Variants in HDAC8 observed in about 807,000 individuals in gnomAD.
HDAC8 encodes the protein histone deacetylase 8.
A neutral mutation model predicts 32.2 loss-of-function variants in HDAC8; 1 was observed. That is an observed-to-expected ratio of 0.03 (90% CI 0.01 to 0.15). HDAC8 has a LOEUF of 0.15. HDAC8 is among the 10% of genes least tolerant of loss of function. HDAC8 has a pLI of 1.00. For synonymous variants in HDAC8, 108 were observed against 113.9 expected (o/e 0.95, Z 0.33); for missense variants, 117 against 300.0 (o/e 0.39, Z 4.51).
At chrX:72,387,237 T>C (rs192810143) in intron 9 of HDAC8, among the ~76,000 whole-genome samples, 1 of 111,674 alleles carries the variant, frequency 9.0e-6, no homozygotes, top group Non-Finnish European at 1.9e-5. Context: ...CTGGGAGCCA[T>C]GTAGGGTAGA....
At position 72,514,870 on chromosome X, in the gene HDAC8, A is replaced by G. The variant is rs782298912; in HGVS notation, c.438-19602T>C. Among the ~76,000 whole-genome samples the G allele has an allele frequency of 2.7e-5, 3 of 111,999 alleles. No homozygotes were observed. The East Asian group carries it at 8.4e-4, about 31-fold the overall frequency. ...AGAAGAGGCTAGGAGAGGTCAATCC[A>G]AATAACTTGAGGGCTTGAGAAATAA... On this transcript the variant is annotated intron_variant, in intron 4 of 10. Coordinates refer to ENST00000373573, the MANE Select transcript of HDAC8 (RefSeq NM_018486.3).
intron 4 of HDAC8, among the ~76,000 whole-genome samples, chrX:72,532,638 T>TAATGC (rs1272665845): frequency 9.0e-6 from 1 of 110,506 alleles, no homozygotes; most frequent in Non-Finnish European, 1.9e-5. Flanking sequence ...TGAACATCTT[T>TAATGC]AATGCTCTTA....
chrX:72,566,862 G>A (rs1461472728), intron 4 of HDAC8, among the ~76,000 whole-genome samples: 1 of 112,000 alleles, frequency 8.9e-6, no homozygotes, highest in Non-Finnish European at 1.9e-5. Context: ...ACTCTAGAAG[G>A]TGGCCAGGCG....
At chrX:72,559,933 A>G (rs868955286) in intron 4 of HDAC8, among the ~76,000 whole-genome samples, 2 of 103,027 alleles carry the variant, frequency 1.9e-5, no homozygotes, top group Admixed American at 1.0e-4. Context: ...CGCCCCGTCC[A>G]GGAGGGAGGT....
chrX:72,504,609 T>A (rs2049330086), intron 4 of HDAC8, among the ~76,000 whole-genome samples: 1 of 111,539 alleles, frequency 9.0e-6, no homozygotes, highest in Non-Finnish European at 1.9e-5. Flanking sequence ...TGGGTAACAT[T>A]TGTGTTGTTT....
chrX:72,500,763 G>A (rs2049185912), intron 4 of HDAC8, among the ~76,000 whole-genome samples: 1 of 111,907 alleles, frequency 8.9e-6, no homozygotes, highest in Non-Finnish European at 1.9e-5. Context: ...AGTATTGGAA[G>A]TCCCGGTCAG....
intron 9 of HDAC8, among the ~76,000 whole-genome samples, chrX:72,424,287 G>A (rs1555974653): frequency 1.8e-5 from 2 of 111,482 alleles, no homozygotes; most frequent in African/African-American, 6.5e-5. Context: ...TGATGATAAT[G>A]TCTTTGGATC....
chrX:72,492,918 T>C (rs1250037156), intron 5 of HDAC8, among the ~76,000 whole-genome samples: 2 of 112,003 alleles, frequency 1.8e-5, no homozygotes, highest in African/African-American at 6.5e-5. Context: ...AAGGAACTTA[T>C]AGTTTCTATG....
At chrX:72,378,983 G>A (rs915566691) in intron 9 of HDAC8, among the ~76,000 whole-genome samples, 29 of 109,176 alleles carry the variant, frequency 2.7e-4, no homozygotes, top group Admixed American at 2.2e-3. Flanking sequence ...TGAGCCTCCC[G>A]AGTAGCTGGG....
intron 9 of HDAC8, among the ~76,000 whole-genome samples, chrX:72,370,554 T>C (rs1173208964): frequency 9.0e-6 from 1 of 111,645 alleles, no homozygotes; most frequent in Non-Finnish European, 1.9e-5. Context: ...AGAGATGGGG[T>C]TTCACCATGT....
chrX:72,524,042 T>C (rs781894570), intron 4 of HDAC8, among the ~76,000 whole-genome samples: 1 of 112,367 alleles, frequency 8.9e-6, no homozygotes, highest in East Asian at 2.8e-4. Context: ...AACACAGCTA[T>C]ACCCATTCAT....
rs2147898910 is a variant in HDAC8 at position 72,411,254 on chromosome X, GA to G, written c.1005+50749del. On this transcript the variant is annotated intron_variant, in intron 9 of 10. Coordinates refer to ENST00000373573, the MANE Select transcript of HDAC8 (RefSeq NM_018486.3). Reference sequence around the variant, plus strand: ...TTGGCCAGTCTGGTCTTGAACTCTTGACCTCGTGATCCTCCCACCTTGGCCT... The same window carrying G: ...TTGGCCAGTCTGGTCTTGAACTCTTGCCTCGTGATCCTCCCACCTTGGCCT... Among the ~76,000 whole-genome samples the G allele has an allele frequency of 3.6e-5, 4 of 110,272 alleles. No homozygotes were observed. In the South Asian group the frequency reaches 1.6e-3, roughly 43 times the overall value.
intron 9 of HDAC8, among the ~76,000 whole-genome samples, chrX:72,459,492 G>A: frequency 9.0e-6 from 1 of 110,578 alleles, no homozygotes; most frequent in East Asian, 2.8e-4. Context: ...GGTCAGCCCG[G>A]CTGCAACTGA....
intron 9 of HDAC8, among the ~76,000 whole-genome samples, chrX:72,416,717 A>T (rs1479948714): frequency 4.7e-5 from 5 of 107,412 alleles, no homozygotes; most frequent in Middle Eastern, 4.7e-3. Flanking sequence ...TGTGTCCTAC[A>T]TATTTTGACA....
At chrX:72,440,855 T>C (rs2147978054) in intron 9 of HDAC8, among the ~76,000 whole-genome samples, 1 of 112,531 alleles carries the variant, frequency 8.9e-6, no homozygotes, top group East Asian at 2.8e-4. Flanking sequence ...CCGATGGGCT[T>C]AAAAAACGGC....
chrX:72,541,747 T>TG (rs2050715503), intron 4 of HDAC8, among the ~76,000 whole-genome samples: 1 of 111,188 alleles, frequency 9.0e-6, no homozygotes, highest in East Asian at 2.8e-4. Flanking sequence ...ATTTGAGGTG[T>TG]GAACGAAAGG....
At chrX:72,507,536 C>A (rs2049435630) in intron 4 of HDAC8, among the ~76,000 whole-genome samples, 1 of 112,007 alleles carries the variant, frequency 8.9e-6, no homozygotes, top group Non-Finnish European at 1.9e-5. Context: ...GAAGACCCAT[C>A]TCCATCCTTC....
At chrX:72,455,985 G>A (rs1271023533) in intron 9 of HDAC8, among the ~76,000 whole-genome samples, 13 of 111,588 alleles carry the variant, frequency 1.2e-4, no homozygotes, top group Admixed American at 1.1e-3. Context: ...GTGTAGTATC[G>A]AAGAATATCC....
chrX:72,551,527 A>C (rs1556071579), intron 4 of HDAC8, among the ~76,000 whole-genome samples: 1 of 111,686 alleles, frequency 9.0e-6, no homozygotes, highest in African/African-American at 3.3e-5. Flanking sequence ...CCCTTCCACT[A>C]TTACTCTAAA....
Sources: gnomAD v4.1 joint callset for allele counts (sites outside exome capture counted in the v4.1 genomes callset) on GRCh38, gnomAD v4.1.1 for gene constraint, MANE v1.5 for transcripts, NCBI Gene and HGNC (gene_info 2026-07-23, HGNC 2026-07-21) for gene names.